The following FBN2 variants were observed in gnomAD, a reference collection of about 807,000 sequenced individuals.
FBN2 encodes the protein fibrillin 2.
FBN2 carries 105 observed loss-of-function variants against 355.6 expected under a neutral mutation model. The ratio of observed to expected loss-of-function variants is 0.30; its 90% CI spans 0.25 to 0.35. The LOEUF (loss-of-function observed/expected upper bound fraction) is 0.35, where lower values mean the gene tolerates loss of function less well. Among genes scored for constraint, FBN2 ranks in the 10% least tolerant of loss-of-function variants. The pLI is 1.00. For synonymous variants in FBN2, 1,350 were observed against 1,301.2 expected (o/e 1.04, Z -0.81); for missense variants, 3,280 against 3,758.7 (o/e 0.87, Z 3.33).
chr5:128,443,258 AC>A (rs1753970780), intron 7 of FBN2, among the ~76,000 whole-genome samples: 1 of 152,212 alleles, frequency 6.6e-6, no homozygotes, highest in South Asian at 2.1e-4. Flanking sequence ...TATTAACAAA[AC>A]AAAAAATGCT....
At chr5:128,451,321 A>G (rs1441606522) in intron 6 of FBN2, among the ~76,000 whole-genome samples, 4 of 152,242 alleles carry the variant, frequency 2.6e-5, no homozygotes, top group African/African-American at 7.2e-5. Flanking sequence ...TCAACTATGA[A>G]TACAATATAT....
chr5:128,389,691 T>A (rs1462816198), intron 11 of FBN2, among the ~76,000 whole-genome samples: 1 of 152,194 alleles, frequency 6.6e-6, no homozygotes, highest in African/African-American at 2.4e-5. Context: ...AGCTCTCCCA[T>A]GTCTCAAATG....
intron 5 of FBN2, among the ~76,000 whole-genome samples, chr5:128,509,934 C>T (rs1237823579): frequency 6.6e-6 from 1 of 152,170 alleles, no homozygotes; most frequent in African/African-American, 2.4e-5. Context: ...TCCTTTCACT[C>T]CTTTCAAGCA....
chr5:128,453,693 A>G (rs1754315358), intron 6 of FBN2, among the ~76,000 whole-genome samples: 1 of 151,184 alleles, frequency 6.6e-6, no homozygotes, highest in South Asian at 2.1e-4. Flanking sequence ...TTTATTATTC[A>G]TCTCTCAATG....
At chr5:128,415,681 C>A (rs1168099580) in intron 7 of FBN2, among the ~76,000 whole-genome samples, 1 of 152,078 alleles carries the variant, frequency 6.6e-6, no homozygotes, top group African/African-American at 2.4e-5. Flanking sequence ...GTGCAGGTGT[C>A]CCTCTGATAT....
intron 3 of FBN2, among the ~76,000 whole-genome samples, chr5:128,530,319 G>C (rs538473073): frequency 6.6e-6 from 1 of 152,146 alleles, no homozygotes. Flanking sequence ...CACATGTTAA[G>C]CAAAGGCAAC....
At chr5:128,383,616 A>G (rs10045483) in intron 11 of FBN2, among the ~76,000 whole-genome samples, 2,847 of 152,248 alleles carry the variant, frequency 0.019, 38 homozygotes, top group Middle Eastern at 0.061. Context: ...TCAAAACTCA[A>G]TAAGAAAATA....
intron 5 of FBN2, among the ~76,000 whole-genome samples, chr5:128,486,602 C>T (rs931953366): frequency 6.6e-6 from 1 of 152,144 alleles, no homozygotes; most frequent in African/African-American, 2.4e-5. Flanking sequence ...AGACTTCTTA[C>T]AAGAACTCTA....
intron 15 of FBN2, among the ~76,000 whole-genome samples, chr5:128,370,343 G>GA (rs1487875870): frequency 1.3e-5 from 2 of 152,052 alleles, no homozygotes; most frequent in Non-Finnish European, 2.9e-5. Flanking sequence ...CAACTTGTTG[G>GA]AAAAAATTTC....
At chr5:128,484,858 T>G (rs1319231130) in intron 5 of FBN2, among the ~76,000 whole-genome samples, 1 of 152,084 alleles carries the variant, frequency 6.6e-6, no homozygotes, top group East Asian at 1.9e-4. Flanking sequence ...GCCCAACTAC[T>G]CAACCCAACA....
intron 19 of FBN2, among the ~76,000 whole-genome samples, chr5:128,359,720 GTTGCCTGAT>G (rs1751589606): frequency 1.3e-5 from 2 of 152,080 alleles, no homozygotes; most frequent in South Asian, 4.1e-4. Flanking sequence ...AACCCTCACT[GTTGCCTGAT>G]TTGGTATGAA....
chr5:128,309,075 AGTGTT>A (rs1216424897), intron 41 of FBN2, among the ~76,000 whole-genome samples, 167 bp downstream of exon 41: 11 of 152,260 alleles, frequency 7.2e-5, no homozygotes, highest in Non-Finnish European at 1.6e-4. Context: ...CTCAGAAGTT[AGTGTT>A]TGAATCCCAA....
rs558817579 is a variant in FBN2, at chr5:128,447,671, T to C, written c.827-1065A>G. Among the ~76,000 whole-genome samples, 4 of 152,336 alleles carry C rather than the reference T, an allele frequency of 2.6e-5. No homozygotes were observed. In the East Asian group the frequency reaches 5.8e-4, roughly 22 times the overall value. On this transcript the variant is annotated intron_variant, in intron 6 of 64. Transcript: ENST00000262464. ...TAATATTTTATTACCTTGTGAAGCA[T>C]GTGATCTCTGTGACCCACAGCCTAT... is the stretch of plus-strand genomic sequence containing the variant.
chr5:128,519,460 T>C lies in FBN2; in HGVS notation c.533-92A>G, dbSNP rs112355068. On this transcript the variant is annotated intron_variant, in intron 4 of 64. Coordinates refer to ENST00000262464, the MANE Select transcript of FBN2 (RefSeq NM_001999.4). Reference sequence around the variant, plus strand: ...GATGCTGCCAATAAAGGATCTTATGTTAAATTATAGTACATTATGTTAATT... The same window carrying C: ...GATGCTGCCAATAAAGGATCTTATGCTAAATTATAGTACATTATGTTAATT... 3,580 of 432,808 alleles carry C rather than the reference T, an allele frequency of 8.3e-3. 92 individuals are homozygous for C. The African/African-American group carries it at 0.15, about 18-fold the overall frequency. The allele number at this position is 432,808 out of a possible 1,614,324, so 26.8% of individuals were successfully genotyped here. A position where few individuals can be genotyped will look rare whatever the true frequency, so the allele number is the denominator to read the frequency against.
intron 7 of FBN2, among the ~76,000 whole-genome samples, chr5:128,423,870 C>T (rs747056721): frequency 2.6e-5 from 4 of 152,010 alleles, no homozygotes; most frequent in Non-Finnish European, 4.4e-5. Flanking sequence ...AGAAGAGAGA[C>T]GTTAGTGACA....
chr5:128,453,913 C>T (rs1754319754), intron 6 of FBN2, among the ~76,000 whole-genome samples: 2 of 152,090 alleles, frequency 1.3e-5, no homozygotes, highest in South Asian at 4.2e-4. Flanking sequence ...TCCTCTTTGT[C>T]CTTCCACCCT....
chr5:128,287,543 A>G, intron 53 of FBN2, 113 bp from the exon 54 acceptor site: 1 of 1,136,046 alleles, frequency 8.8e-7, no homozygotes, highest in Non-Finnish European at 1.3e-6. Context: ...GAATAGTAGA[A>G]CTTACACATC....
chr5:128,421,280 C>A (rs139233651), intron 7 of FBN2, among the ~76,000 whole-genome samples: 2 of 151,980 alleles, frequency 1.3e-5, no homozygotes, highest in African/African-American at 4.8e-5. Context: ...CTACCTATGT[C>A]GATAAAGATG....
intron 36 of FBN2, among the ~76,000 whole-genome samples, chr5:128,315,537 G>A (rs186633670): frequency 3.9e-4 from 59 of 152,252 alleles, no homozygotes; most frequent in African/African-American, 1.1e-3. Flanking sequence ...GAGGACAGCC[G>A]TCTTCTTTAA....
Sources: allele counts gnomAD v4.1 joint callset (sites outside exome capture counted in the v4.1 genomes callset), GRCh38; gene constraint gnomAD v4.1.1; transcripts MANE v1.5; gene names NCBI Gene and HGNC (gene_info 2026-07-23, HGNC 2026-07-21).